TBC1D22A: variants seen among roughly 807,000 people sequenced by gnomAD.
TBC1D22A encodes the protein putative GTPase activator.
In TBC1D22A, 38 loss-of-function variants were observed where a neutral mutation model predicts 60.2. That is an observed-to-expected ratio of 0.63 (90% confidence interval 0.49 to 0.83). The LOEUF (loss-of-function observed/expected upper bound fraction) is 0.83, where lower values mean the gene tolerates loss of function less well. Among genes scored for constraint, TBC1D22A ranks in the 40% least tolerant of loss-of-function variants. The pLI is 0.00. For synonymous variants in TBC1D22A, 302 were observed against 281.7 expected (o/e 1.07, Z -0.72); for missense variants, 628 against 701.0 (o/e 0.90, Z 1.18).
chr22:47,096,776 T>G lies in TBC1D22A; in HGVS notation c.1330-14732T>G, dbSNP rs143316470. ...GGTGGAGGTTGCAGTGAGCCGAGAT[T>G]GTGCCACAGCACTCCAGCCTGGGTG... On this transcript the variant is annotated intron_variant, in intron 11 of 12. Coordinates refer to ENST00000337137, the MANE Select transcript of TBC1D22A (RefSeq NM_014346.5). Among the ~76,000 whole-genome samples the G allele has an allele frequency of 6.4e-3, 967 of 152,256 alleles. 8 individuals are homozygous for G. The highest frequency in any genetic ancestry group is 0.022 in the African/African-American group (921 of 41,562).
chr22:46,810,767 T>G (rs1468902389), intron 4 of TBC1D22A, among the ~76,000 whole-genome samples: 2 of 152,228 alleles, frequency 1.3e-5, no homozygotes, highest in East Asian at 3.8e-4. Flanking sequence ...TGGCGAGTTC[T>G]TATTCTTAGA....
At chr22:46,765,971 G>A (rs1345288249) in intron 1 of TBC1D22A, among the ~76,000 whole-genome samples, 1 of 135,008 alleles carries the variant, frequency 7.4e-6, no homozygotes, top group African/African-American at 3.0e-5. Flanking sequence ...GTGTGTGTGT[G>A]TGTGTGTGTG....
At chr22:46,961,420 A>G (rs1049416255) in intron 8 of TBC1D22A, among the ~76,000 whole-genome samples, 1 of 152,064 alleles carries the variant, frequency 6.6e-6, no homozygotes, top group Non-Finnish European at 1.5e-5. Flanking sequence ...TTTCCGTGTA[A>G]TTTTGTATTC....
chr22:46,978,797 C>T (rs975338145), intron 9 of TBC1D22A, among the ~76,000 whole-genome samples: 2 of 152,028 alleles, frequency 1.3e-5, no homozygotes, highest in Non-Finnish European at 2.9e-5. Context: ...TTGTTAGAGA[C>T]AGGGTTTCAC....
In TBC1D22A at chr22:47,173,395, C is replaced by T. The variant is rs924698800; in HGVS notation, c.1426-103C>T. On this transcript the variant is annotated intron_variant, in intron 12 of 12. Transcript: ENST00000337137. Reference sequence around the variant, plus strand: ...TCACCCGCCCTGCACCGTGGGTCACCTCCTCTGACCTGGGCTTGTATCTTT... The same window carrying T: ...TCACCCGCCCTGCACCGTGGGTCACTTCCTCTGACCTGGGCTTGTATCTTT... 4 of 1,491,664 alleles carry T rather than the reference C, an allele frequency of 2.7e-6. No individual in the cohort carries two copies. In the African/African-American group the frequency reaches 4.2e-5, roughly 16 times the overall value. The allele number at this position is 1,491,664 out of a possible 1,614,324, so 92.4% of individuals were successfully genotyped here.
intron 7 of TBC1D22A, among the ~76,000 whole-genome samples, chr22:46,900,338 G>C (rs112539726): frequency 0.015 from 2,298 of 152,136 alleles, 62 homozygotes; most frequent in African/African-American, 0.052. Context: ...TTTTAATAGA[G>C]ATGGGGTTTC....
intron 12 of TBC1D22A, among the ~76,000 whole-genome samples, chr22:47,125,800 C>T (rs771629216): frequency 4.6e-5 from 7 of 152,174 alleles, no homozygotes; most frequent in Non-Finnish European, 7.3e-5. Context: ...GAGAGGGACC[C>T]GCATGCGGCA....
intron 12 of TBC1D22A, among the ~76,000 whole-genome samples, chr22:47,119,994 G>A (rs953883220): frequency 2.6e-5 from 4 of 152,078 alleles, no homozygotes; most frequent in Non-Finnish European, 4.4e-5. Context: ...CATGAGGCCT[G>A]CCTTCATCAA....
intron 12 of TBC1D22A, among the ~76,000 whole-genome samples, chr22:47,155,096 A>G (rs1254101805): frequency 2.0e-5 from 3 of 152,138 alleles, no homozygotes; most frequent in Non-Finnish European, 2.9e-5. Context: ...TGTGTTGATC[A>G]GAAGTCTCAG....
At chr22:47,110,893 G>A (rs999077561) in intron 11 of TBC1D22A, among the ~76,000 whole-genome samples, 5 of 152,234 alleles carry the variant, frequency 3.3e-5, no homozygotes, top group African/African-American at 1.2e-4. Flanking sequence ...GATGAGTAAG[G>A]GGTAGATATC....
chr22:47,069,439 G>A (rs1326959379), intron 11 of TBC1D22A, among the ~76,000 whole-genome samples: 4 of 152,332 alleles, frequency 2.6e-5, no homozygotes, highest in African/African-American at 9.6e-5. Context: ...CCACTGCTGT[G>A]TCCTCTCGGT....
At chr22:47,098,548 G>A (rs1390955228) in intron 11 of TBC1D22A, among the ~76,000 whole-genome samples, 1 of 152,082 alleles carries the variant, frequency 6.6e-6, no homozygotes, top group Admixed American at 6.5e-5. Context: ...GAAGGGCCAG[G>A]CAAGGCATCC....
At chr22:47,087,485 TCAAA>T (rs1358408341) in intron 11 of TBC1D22A, among the ~76,000 whole-genome samples, 1 of 152,168 alleles carries the variant, frequency 6.6e-6, no homozygotes, top group African/African-American at 2.4e-5. Context: ...AAAAATGACT[TCAAA>T]CAGACTTTGA....
At chr22:47,021,092 G>A (rs2062071078) in intron 10 of TBC1D22A, among the ~76,000 whole-genome samples, 1 of 152,208 alleles carries the variant, frequency 6.6e-6, no homozygotes, top group Admixed American at 6.5e-5. Flanking sequence ...TGATGAGGAT[G>A]CAGGCCTGAT....
intron 4 of TBC1D22A, among the ~76,000 whole-genome samples, chr22:46,798,030 C>G (rs766606063): frequency 5.9e-5 from 9 of 152,120 alleles, no homozygotes; most frequent in African/African-American, 2.2e-4. Flanking sequence ...TGCCACCATG[C>G]TCACCAGATT....
chr22:46,968,134 G>A (rs932720381), intron 8 of TBC1D22A, among the ~76,000 whole-genome samples: 6 of 152,172 alleles, frequency 3.9e-5, no homozygotes, highest in Admixed American at 6.5e-5. Flanking sequence ...GCATGGCTGC[G>A]GGGTTGTTGT....
chr22:47,006,418 A>G (rs1268717675), intron 10 of TBC1D22A, among the ~76,000 whole-genome samples: 1 of 152,194 alleles, frequency 6.6e-6, no homozygotes, highest in Non-Finnish European at 1.5e-5. Context: ...GGACTTCTTG[A>G]CTGATCTGGT....
At chr22:47,111,471 G>A (rs745898938) in intron 11 of TBC1D22A, 37 bp from the exon 12 acceptor site, 15 of 1,593,426 alleles carry the variant, frequency 9.4e-6, no homozygotes, top group East Asian at 2.2e-5. Flanking sequence ...TGGGTCACGC[G>A]TTACAATTTC....
At chr22:46,862,309 G>A (rs1318391453) in intron 4 of TBC1D22A, among the ~76,000 whole-genome samples, 2 of 149,214 alleles carry the variant, frequency 1.3e-5, no homozygotes, top group African/African-American at 5.0e-5. Flanking sequence ...TAGATCTCGG[G>A]TATGTGAAGT....
Sources: allele counts gnomAD v4.1 joint callset (sites outside exome capture counted in the v4.1 genomes callset), GRCh38; gene constraint gnomAD v4.1.1; transcripts MANE v1.5; gene names NCBI Gene and HGNC (gene_info 2026-07-23, HGNC 2026-07-21).